Variants in ELFN2 observed in about 807,000 individuals in gnomAD.
ELFN2 encodes the protein extracellular leucine rich repeat and fibronectin type III domain containing 2.
ELFN2 carries 17 observed loss-of-function variants against 45.5 expected under a neutral mutation model. That is an observed-to-expected ratio of 0.37 (90% CI 0.26 to 0.56). The LOEUF is 0.56. Among genes scored for constraint, ELFN2 ranks in the 20% least tolerant of loss-of-function variants. The pLI, the probability that ELFN2 is intolerant of heterozygous loss-of-function variation, is 0.77. For missense variants in ELFN2, 922 were observed against 1,183.2 expected, an observed-to-expected ratio of 0.78 and a Z score of 3.24; for synonymous variants, 550 against 551.5, an observed-to-expected ratio of 1.00 and a Z score of 0.04.
At chr22:37,356,631 C>T (rs1253088834) in intron 1 of ELFN2, among the ~76,000 whole-genome samples, 1 of 152,194 alleles carries the variant, frequency 6.6e-6, no homozygotes, top group Non-Finnish European at 1.5e-5. Flanking sequence ...TAGTAATAGT[C>T]ACGGCAGACA....
rs185967830 is a variant in ELFN2, at chr22:37,349,414, G to A, written n.149-6711C>T. ...CACCTGCCCCAGTTTGGGGCAGCCC[G>A]GCCTACTTCTCAAGGATGTTTGGAG... On this transcript the variant is annotated intron_variant and non_coding_transcript_variant, in intron 1 of 2. Transcript: ENST00000452946. Among the ~76,000 whole-genome samples, 640 of 151,330 alleles carry A rather than the reference G, an allele frequency of 4.2e-3. 50 individuals carry two copies. The highest frequency in any genetic ancestry group is 5.2e-3 in the Non-Finnish European group (351 of 67,348).
rs1481607446 is a variant in ELFN2, at chr22:37,369,578, T to G, written c.*3494A>C. On this transcript the variant is annotated 3_prime_UTR_variant, in exon 3 of 3. Coordinates refer to ENST00000402918, the MANE Select transcript of ELFN2 (RefSeq NM_052906.5). ...CACCAACCAGGCTTTCTTGCCTTCATGCCAGACCTCTGTGTTTTGCTACTG... is the reference window on the plus strand; with the variant it reads ...CACCAACCAGGCTTTCTTGCCTTCAGGCCAGACCTCTGTGTTTTGCTACTG... 6.6e-6 allele frequency: 1 copy of G among 152,310 alleles called. No individual in the cohort carries two copies. Among genetic ancestry groups the G allele is most frequent in the African/African-American group, 2.4e-5 (1 of 41,466 alleles). 9.4% of individuals were successfully genotyped at this position (152,310 alleles called of 1,614,324 possible).
At chr22:37,348,264 C>T (rs1930741790) in intron 1 of ELFN2, among the ~76,000 whole-genome samples, 1 of 152,100 alleles carries the variant, frequency 6.6e-6, no homozygotes, top group Non-Finnish European at 1.5e-5. Flanking sequence ...GGAGGACACC[C>T]TTGGGGGCTA....
At chr22:37,420,207 G>A (rs559113853) in intron 1 of ELFN2, 1 of 152,020 alleles carries the variant, frequency 6.6e-6, no homozygotes, top group Non-Finnish European at 1.5e-5. Flanking sequence ...CTCCGAGCGC[G>A]CGCTCCCGTC....
intron 2 of ELFN2, among the ~76,000 whole-genome samples, chr22:37,386,841 C>A (rs1337962095): frequency 6.6e-6 from 1 of 152,216 alleles, no homozygotes. Context: ...GCAGGGTCCA[C>A]ATTCAGCTCG....
intron 1 of ELFN2, among the ~76,000 whole-genome samples, chr22:37,347,443 G>A (rs538307587): frequency 2.6e-5 from 4 of 152,192 alleles, no homozygotes; most frequent in South Asian, 2.1e-4. Flanking sequence ...CCAAAACCAC[G>A]GACAGAACCA....
rs1426538836 is a variant in ELFN2, at chr22:37,341,782, G to C, written n.252-813C>G. ...GTTTCGTTGGTGAACTCAAACCCCT[G>C]ACAATTCTGAACCTTGGTTTCCTCA... On this transcript the variant is annotated intron_variant and non_coding_transcript_variant, in intron 2 of 2. Transcript: ENST00000452946. Among the ~76,000 whole-genome samples, 4 of 152,196 alleles carry C rather than the reference G, an allele frequency of 2.6e-5. No homozygotes were observed. The South Asian group carries it at 8.3e-4, about 32-fold the overall frequency.
chr22:37,405,836 G>GT lies in ELFN2; in HGVS notation c.-463+11932dup, dbSNP rs1555923845. ...CCTCCCTTTAGGAAAAAAAAAAAGG[G>GT]TGGAGGGGGGGTGGTCCTGGGCAGG... is the stretch of plus-strand genomic sequence containing the variant. On this transcript the variant is annotated intron_variant, in intron 2 of 2. Coordinates refer to ENST00000402918, the MANE Select transcript of ELFN2 (RefSeq NM_052906.5). Among the ~76,000 whole-genome samples the GT allele has an allele frequency of 3.5e-3, 531 of 149,634 alleles. 10 individuals are homozygous for GT. The highest frequency in any genetic ancestry group is 0.012 in the African/African-American group (482 of 40,010).
At chr22:37,364,602 G>A (rs1931161375), downstream of ELFN2, among the ~76,000 whole-genome samples, 1 of 152,226 alleles carries the variant, frequency 6.6e-6, no homozygotes, top group South Asian at 2.1e-4. Flanking sequence ...AGAGCCAGCA[G>A]GACACAGCTC....
chr22:37,401,669 G>GC (rs1231954793), intron 2 of ELFN2, among the ~76,000 whole-genome samples: 1 of 152,200 alleles, frequency 6.6e-6, no homozygotes, highest in Non-Finnish European at 1.5e-5. Flanking sequence ...GAGCCTGGGG[G>GC]CCACCGCCCT....
intron 1 of ELFN2, among the ~76,000 whole-genome samples, chr22:37,421,815 T>C (rs1320896675): frequency 6.6e-6 from 1 of 152,060 alleles, no homozygotes; most frequent in Admixed American, 6.5e-5. Flanking sequence ...GTGGGAGAAA[T>C]AAGACAGGCA....
downstream of ELFN2, among the ~76,000 whole-genome samples, chr22:37,365,615 T>C (rs1931185702): frequency 6.6e-6 from 1 of 152,208 alleles, no homozygotes. Flanking sequence ...TGGGCGAGGC[T>C]TGAGAAGTGC....
chr22:37,361,856 T>C (rs949181324), intron 1 of ELFN2, among the ~76,000 whole-genome samples: 2 of 152,168 alleles, frequency 1.3e-5, no homozygotes, highest in African/African-American at 4.8e-5. Flanking sequence ...CTATGGAAAG[T>C]CAAGCCCCAT....
Position 37,374,774 on chromosome 22 carries a change from G to C in ELFN2, c.761C>G (p.Pro254Arg). The change falls in exon 3 of 3, where the codon CCC becomes CGC. Residue 254 changes from proline to arginine, a missense_variant. By Grantham distance (103) the Pro-to-Arg change is moderately radical. Transcript: ENST00000402918. ...KCRNGSLPAR[P>R]VSHPTPYSTD... Reference sequence around the variant, plus strand: ...GGAGTAGGGCGTGGGGTGGCTCACGGGCCGGGCGGGCAGCGAGCCATTCCG... The same window carrying C: ...GGAGTAGGGCGTGGGGTGGCTCACGCGCCGGGCGGGCAGCGAGCCATTCCG... 6.2e-7 allele frequency: 1 copy of C among 1,608,088 alleles called. No homozygotes were observed. Among genetic ancestry groups the C allele is most frequent in the Non-Finnish European group, 8.5e-7 (1 of 1,178,970 alleles).
chr22:37,362,590 G>A (rs1320289320), intron 1 of ELFN2, among the ~76,000 whole-genome samples: 3 of 152,202 alleles, frequency 2.0e-5, no homozygotes, highest in East Asian at 1.9e-4. Context: ...TCTGGGACTC[G>A]GGTCTTTGGG....
intron 2 of ELFN2, among the ~76,000 whole-genome samples, chr22:37,404,914 T>C (rs1421970124): frequency 1.3e-5 from 2 of 152,178 alleles, no homozygotes. Context: ...CATAGGTTGT[T>C]GTGAGGAGGG....
rs762448443 is a variant in ELFN2 at position 37,373,299 on chromosome 22, G to T, written c.2236C>A (p.Leu746Ile). The change falls in exon 3 of 3, where the codon CTC (leucine) becomes ATC (isoleucine). Residue 746 changes from leucine to isoleucine, a missense_variant. By Grantham distance (5) the Leu-to-Ile change is conservative (BLOSUM62 2). Around this residue, in one of 2 missense-constraint regions of ELFN2, gnomAD observed 564 missense variants for 642.8 expected, o/e 0.88. Transcript: ENST00000402918. ...RSKRDSTYSQ[L>I]SPRHYYSGYS... is the part of the protein sequence containing the mutation. Reference sequence around the variant, plus strand: ...CCTGAGTAGTAGTGTCTGGGGGAGAGCTGCGAGTAGGTGGAGTCACGCTTG... The same window carrying T: ...CCTGAGTAGTAGTGTCTGGGGGAGATCTGCGAGTAGGTGGAGTCACGCTTG... The T allele has an allele frequency of 6.2e-7, 1 of 1,613,726 alleles. No individual in the cohort carries two copies. The highest frequency in any genetic ancestry group is 8.5e-7 in the Non-Finnish European group (1 of 1,179,960).
chr22:37,389,820 C>T (rs1477384686), intron 2 of ELFN2, among the ~76,000 whole-genome samples: 1 of 152,198 alleles, frequency 6.6e-6, no homozygotes, highest in African/African-American at 2.4e-5. Flanking sequence ...CCCCAGTGCC[C>T]AGCCTAAGGC....
At chr22:37,349,335 C>T (rs950477879) in intron 1 of ELFN2, among the ~76,000 whole-genome samples, 13 of 151,114 alleles carry the variant, frequency 8.6e-5, no homozygotes, top group Non-Finnish European at 1.5e-5. Context: ...GAGAGGCACC[C>T]GTGCACAAGG....
Sources: allele counts gnomAD v4.1 joint callset (sites outside exome capture counted in the v4.1 genomes callset), GRCh38; gene constraint gnomAD v4.1.1; regional missense constraint gnomAD v4.1.1; transcripts MANE v1.5; gene names NCBI Gene and HGNC (gene_info 2026-07-23, HGNC 2026-07-21).